The following SCAPER variants were observed in gnomAD, a reference collection of about 807,000 sequenced individuals.
SCAPER encodes S-phase cyclin A associated protein in the ER, also known as S phase cyclin A-associated protein in the endoplasmic reticulum.
Under a neutral mutation model 182.2 loss-of-function variants are expected in SCAPER, and 98 were observed. That is an observed-to-expected ratio of 0.54 (90% CI 0.46 to 0.64). The LOEUF is 0.64. Among genes scored for constraint, SCAPER ranks in the 30% least tolerant of loss-of-function variants. The probability of loss-of-function intolerance (pLI) is 0.00; values close to 1 mark genes in which losing one functional copy is unlikely to be tolerated. For missense variants in SCAPER, 1,432 were observed against 1,690.0 expected (o/e 0.85, Z 2.68); for synonymous variants, 605 against 564.6 (o/e 1.07, Z -1.01).
chr15:76,469,463 T>C (rs2049959394), intron 25 of SCAPER, among the ~76,000 whole-genome samples: 2 of 152,332 alleles, frequency 1.3e-5, no homozygotes, highest in Middle Eastern at 3.4e-3. Flanking sequence ...GACTATTCTA[T>C]AGATCTTACT....
chr15:76,645,526 CTTTT>C (rs764750763), intron 21 of SCAPER, among the ~76,000 whole-genome samples: 1 of 141,506 alleles, frequency 7.1e-6, no homozygotes, highest in Non-Finnish European at 1.6e-5. Context: ...AAAGATCAGC[CTTTT>C]TTTTTTTTGG....
intron 4 of SCAPER, among the ~76,000 whole-genome samples, chr15:76,856,554 T>G (rs1167628684): frequency 6.6e-6 from 1 of 151,494 alleles, no homozygotes; most frequent in East Asian, 1.9e-4. Context: ...CATATATATG[T>G]ATATAAAATC....
At chr15:76,845,865 C>CA (rs1318218450) in intron 4 of SCAPER, among the ~76,000 whole-genome samples, 1 of 151,848 alleles carries the variant, frequency 6.6e-6, no homozygotes, top group Non-Finnish European at 1.5e-5. Context: ...TACAGAACCA[C>CA]AAAAAACCTG....
At chr15:76,620,572 T>C (rs1382645065) in intron 22 of SCAPER, among the ~76,000 whole-genome samples, 2 of 152,230 alleles carry the variant, frequency 1.3e-5, no homozygotes, top group African/African-American at 2.4e-5. Context: ...CTGGTATCTT[T>C]TGACAGGCAA....
At chr15:76,416,521 C>T (rs545525727) in intron 26 of SCAPER, among the ~76,000 whole-genome samples, 1 of 151,482 alleles carries the variant, frequency 6.6e-6, no homozygotes, top group Non-Finnish European at 1.5e-5. Flanking sequence ...ATTTTCATCT[C>T]TCAGTTTGGC....
At chr15:76,377,445 C>A (rs1302543491) in intron 28 of SCAPER, among the ~76,000 whole-genome samples, 6 of 152,186 alleles carry the variant, frequency 3.9e-5, no homozygotes, top group Admixed American at 1.3e-4. Flanking sequence ...CTCTGTTTAA[C>A]CTTCACTGAT....
At chr15:76,631,374 C>T (rs1267455455) in intron 21 of SCAPER, among the ~76,000 whole-genome samples, 1 of 152,170 alleles carries the variant, frequency 6.6e-6, no homozygotes, top group Non-Finnish European at 1.5e-5. Context: ...TATGTAGTTG[C>T]TTCATAATGT....
intron 21 of SCAPER, among the ~76,000 whole-genome samples, chr15:76,664,815 A>G (rs546377506): frequency 6.6e-6 from 1 of 152,312 alleles, no homozygotes; most frequent in South Asian, 2.1e-4. Flanking sequence ...TGATTAAATG[A>G]GCACTCTGAA....
At chr15:76,404,963 A>T (rs1483451968) in intron 26 of SCAPER, among the ~76,000 whole-genome samples, 2 of 152,154 alleles carry the variant, frequency 1.3e-5, no homozygotes, top group Admixed American at 1.3e-4. Flanking sequence ...TACTGGTCTA[A>T]AGAGTCTAAC....
At chr15:76,711,657 T>A (rs543292942) in intron 17 of SCAPER, among the ~76,000 whole-genome samples, 3 of 152,328 alleles carry the variant, frequency 2.0e-5, no homozygotes, top group African/African-American at 7.2e-5. Flanking sequence ...TATCTCATTG[T>A]GGTTTTGATT....
At chr15:76,728,327 G>A (rs1462377697) in intron 17 of SCAPER, among the ~76,000 whole-genome samples, 1 of 151,490 alleles carries the variant, frequency 6.6e-6, no homozygotes, top group Non-Finnish European at 1.5e-5. Context: ...TATGCCCTCA[G>A]TATCTTCCCC....
intron 18 of SCAPER, among the ~76,000 whole-genome samples, chr15:76,704,869 T>G (rs1390609905): frequency 2.0e-5 from 3 of 152,148 alleles, no homozygotes; most frequent in Admixed American, 2.0e-4. Flanking sequence ...CCAGTTAGAA[T>G]GGCGATCATT....
At chr15:76,413,826 G>A (rs2045470288) in intron 26 of SCAPER, among the ~76,000 whole-genome samples, 1 of 152,154 alleles carries the variant, frequency 6.6e-6, no homozygotes, top group Admixed American at 6.5e-5. Context: ...AAAAACTGAT[G>A]AGAACATAAA....
At chr15:76,522,784 T>C (rs1408728695) in intron 23 of SCAPER, among the ~76,000 whole-genome samples, 1 of 152,096 alleles carries the variant, frequency 6.6e-6, no homozygotes, top group Non-Finnish European at 1.5e-5. Flanking sequence ...CACTGAATTG[T>C]ACAGTTTAAA....
chr15:76,565,568 C>T (rs1192923605), intron 23 of SCAPER, among the ~76,000 whole-genome samples: 1 of 152,054 alleles, frequency 6.6e-6, no homozygotes, highest in Non-Finnish European at 1.5e-5. Context: ...AATGCTTATA[C>T]ACTCAGTTTG....
intron 25 of SCAPER, among the ~76,000 whole-genome samples, chr15:76,445,694 G>T (rs908828044): frequency 1.3e-5 from 2 of 152,098 alleles, no homozygotes; most frequent in African/African-American, 2.4e-5. Context: ...GGAAGCTGGT[G>T]AGTCCTGGCA....
chr15:76,472,147 T>A, intron 24 of SCAPER: 1 of 293,080 alleles, frequency 3.4e-6, no homozygotes. Context: ...AGAGCCAAGG[T>A]GAAGAACAAG....
At position 76,765,607 on chromosome 15, in the gene SCAPER, CAGAA is replaced by C; in HGVS notation, c.1447_1450del (p.Phe483ValfsTer30). 1 of 1,586,180 alleles carries C rather than the reference CAGAA, an allele frequency of 6.3e-7. No individual in the cohort carries two copies. On this transcript the variant is annotated frameshift_variant, in exon 12 of 32. Coordinates refer to ENST00000563290, the MANE Select transcript of SCAPER (RefSeq NM_020843.4). LOFTEE classifies it high-confidence loss of function. Reference sequence around the variant, plus strand: ...ATCGTTCCAGTCCATGGACATACCACAGAAAGAAACACTCCCACTGCCCATGCTG... The same window carrying C: ...ATCGTTCCAGTCCATGGACATACCACAGAAACACTCCCACTGCCCATGCTG...
intron 4 of SCAPER, among the ~76,000 whole-genome samples, chr15:76,856,387 T>C (rs2151857063): frequency 6.6e-6 from 1 of 151,956 alleles, no homozygotes; most frequent in South Asian, 2.1e-4. Flanking sequence ...ATAACAAACC[T>C]GCATATGTAC....
Sources: allele counts gnomAD v4.1 joint callset (sites outside exome capture counted in the v4.1 genomes callset), GRCh38; gene constraint gnomAD v4.1.1; transcripts MANE v1.5; gene names NCBI Gene and HGNC (gene_info 2026-07-23, HGNC 2026-07-21).